TUBGCP4: variants seen among roughly 807,000 people sequenced by gnomAD.
TUBGCP4 encodes the protein tubulin gamma complex component 4, also known as gamma-tubulin complex component 4.
A neutral mutation model predicts 91.6 loss-of-function variants in TUBGCP4; 54 were observed. That is an observed-to-expected ratio of 0.59 (90% CI 0.47 to 0.74). The LOEUF (loss-of-function observed/expected upper bound fraction) is 0.74. Ranked by LOEUF, TUBGCP4 falls within the 30% of genes least tolerant of loss-of-function variation. The pLI, the probability that TUBGCP4 is intolerant of heterozygous loss-of-function variation, is 0.00. For synonymous variants in TUBGCP4, 297 were observed against 302.8 expected (o/e 0.98, Z 0.20); for missense variants, 593 against 800.9 (o/e 0.74, Z 3.13).
chr15:43,378,682 A>T (rs1306889676), intron 5 of TUBGCP4, among the ~76,000 whole-genome samples: 12 of 152,262 alleles, frequency 7.9e-5, no homozygotes, highest in Non-Finnish European at 8.8e-5. Context: ...CAGCAAAGCC[A>T]GTGGTGGGTG....
chr15:43,381,117 C>G (rs1012813881), intron 6 of TUBGCP4, among the ~76,000 whole-genome samples: 3 of 152,146 alleles, frequency 2.0e-5, no homozygotes, highest in East Asian at 1.9e-4. Context: ...ACTCACAACT[C>G]TTAATCTCCA....
At chr15:43,392,559 C>T (rs1595491876) in intron 9 of TUBGCP4, among the ~76,000 whole-genome samples, 2 of 152,012 alleles carry the variant, frequency 1.3e-5, no homozygotes, top group Admixed American at 6.6e-5. Flanking sequence ...AGTGCAGTGG[C>T]GTGATCTCGG....
At chr15:43,398,304 C>A in intron 13 of TUBGCP4, 125 bp downstream of exon 13, 1 of 1,105,420 alleles carries the variant, frequency 9.0e-7, no homozygotes. Flanking sequence ...CCCAGCTAGT[C>A]CAGAGCCTGA....
chr15:43,397,276 C>T lies in TUBGCP4; in HGVS notation c.1234C>T (p.Pro412Ser). The change falls in exon 12 of 18, where the codon CCT becomes TCT. Residue 412 changes from proline to serine, a missense_variant. Physicochemically the swap from Pro to Ser is moderately conservative, Grantham distance 74 (BLOSUM62 -1). Transcript: ENST00000564079. ...KVLLDDDNLL[P>S]LLHLTIEYHG... ...ATTGCTAGATGATGACAACCTTCTCCCTCTGTTGCACTTGACAATCGAGTA... is the reference window on the plus strand; with the variant it reads ...ATTGCTAGATGATGACAACCTTCTCTCTCTGTTGCACTTGACAATCGAGTA... 6.2e-7 allele frequency: 1 copy of T among 1,614,160 alleles called. No homozygotes were observed. Among genetic ancestry groups the T allele is most frequent in the Non-Finnish European group, 8.5e-7 (1 of 1,180,024 alleles).
intron 1 of TUBGCP4, 49 bp downstream of exon 1, chr15:43,371,481 C>T: frequency 1.3e-6 from 2 of 1,587,448 alleles, no homozygotes; most frequent in East Asian, 2.2e-5. Context: ...GGAGGGGGGA[C>T]CTGAGCCAGC....
At chr15:43,373,948 G>A (rs186998258) in intron 1 of TUBGCP4, among the ~76,000 whole-genome samples, 51 of 152,170 alleles carry the variant, frequency 3.4e-4, no homozygotes, top group African/African-American at 9.2e-4. Context: ...CACTGCGCCC[G>A]GCAAGAGACC....
chr15:43,398,269 A>G, intron 13 of TUBGCP4, 90 bp downstream of exon 13: 2 of 1,465,398 alleles, frequency 1.4e-6, no homozygotes, highest in Admixed American at 1.9e-5. Context: ...TGGGAAAGCA[A>G]GGTGTGGTGG....
intron 9 of TUBGCP4, among the ~76,000 whole-genome samples, chr15:43,393,782 T>A (rs976406896): frequency 1.3e-5 from 2 of 152,164 alleles, no homozygotes; most frequent in African/African-American, 4.8e-5. Flanking sequence ...GAACTCACCA[T>A]TTTTTATGGC....
At chr15:43,378,287 G>C (rs1262324459) in intron 5 of TUBGCP4, among the ~76,000 whole-genome samples, 4 of 152,208 alleles carry the variant, frequency 2.6e-5, no homozygotes, top group Admixed American at 2.6e-4. Flanking sequence ...GCAGTTTTCT[G>C]AGAATTTTGA....
At chr15:43,378,851 C>T (rs1307216797) in intron 5 of TUBGCP4, among the ~76,000 whole-genome samples, 1 of 152,202 alleles carries the variant, frequency 6.6e-6, no homozygotes, top group Non-Finnish European at 1.5e-5. Context: ...CCCAGTGTCA[C>T]ACAGATAGTA....
intron 16 of TUBGCP4, 81 bp downstream of exon 16, chr15:43,403,880 G>C: frequency 1.0e-6 from 1 of 975,224 alleles, no homozygotes; most frequent in South Asian, 1.3e-5. Context: ...TCTTTCCTCT[G>C]AGTCAGTAAA....
At chr15:43,382,885 G>T (rs919109764) in intron 6 of TUBGCP4, among the ~76,000 whole-genome samples, 10 of 152,220 alleles carry the variant, frequency 6.6e-5, no homozygotes, top group Admixed American at 6.5e-4. Context: ...CTCACGTATT[G>T]AATATTCTCT....
Position 43,408,840 on chromosome 15 carries a change from C to G in TUBGCP4, c.*3626C>G. ...TACTCTCTCACCTAGATTCTCTTCC[C>G]TCCAAAGCTTGCTGTCCTCCTGCCT... On this transcript the variant is annotated 3_prime_UTR_variant, in exon 18 of 18. Coordinates refer to ENST00000564079, the MANE Select transcript of TUBGCP4 (RefSeq NM_014444.5). 6.4e-7 allele frequency: 1 copy of G among 1,555,420 alleles called. No individual in the cohort carries two copies. The highest frequency in any genetic ancestry group is 8.9e-7 in the Non-Finnish European group (1 of 1,128,234).
chr15:43,386,071 G>A, intron 8 of TUBGCP4, 115 bp downstream of exon 8: 1 of 1,521,350 alleles, frequency 6.6e-7, no homozygotes, highest in South Asian at 1.3e-5. Flanking sequence ...CCTATCCTGA[G>A]ATTGTAGCAG....
chr15:43,398,114 C>A lies in TUBGCP4; in HGVS notation c.1353C>A (p.Ala451=). ...AAGCCCCTGCATCTGGCTGGGCAGC[C>A]CTAGGTCTTTCCTACAAAGTACAGT... ...PREAPASGWA[A]LGLSYKVQWP... The change falls in exon 13 of 18, where the codon GCC becomes GCA. Residue 451 remains alanine (A), a synonymous_variant. Transcript: ENST00000564079. 6.2e-7 allele frequency: 1 copy of A among 1,614,092 alleles called. No homozygotes were observed.
In TUBGCP4 at chr15:43,376,555, G is replaced by A. The variant is rs769303341; in HGVS notation, c.260G>A (p.Arg87Gln). 2.4e-5 allele frequency: 39 copies of A among 1,614,164 alleles called. No individual in the cohort carries two copies. In the Middle Eastern group the frequency reaches 8.2e-4, roughly 34 times the overall value. Residue 87 changes from arginine (R) to glutamine (Q), a missense_variant, in exon 3 of 18, where the codon CGG becomes CAG. Transcript: ENST00000564079. ...GQGGLHGIYL[R>Q]AFCTGLDSVL... The stretch of plus-strand genomic sequence containing the variant: ...GGTGGGTTACATGGAATCTACCTGC[G>A]GGCCTTCTGCACAGGGCTGGATTCT...
chr15:43,404,076 C>A, intron 16 of TUBGCP4: 1 of 524,818 alleles, frequency 1.9e-6, no homozygotes, highest in Admixed American at 3.3e-5. Flanking sequence ...CCTCCCCCCT[C>A]CTTACTTCCT....
intron 7 of TUBGCP4, 135 bp from the exon 8 acceptor site, chr15:43,385,656 A>G: frequency 4.7e-6 from 4 of 855,664 alleles, no homozygotes; most frequent in Non-Finnish European, 7.2e-6. Context: ...GGGTGGTTTG[A>G]GAACTGTGCA....
intron 3 of TUBGCP4, 76 bp from the exon 4 acceptor site, chr15:43,376,938 C>A: frequency 3.2e-6 from 4 of 1,242,758 alleles, no homozygotes; most frequent in Non-Finnish European, 4.7e-6. Flanking sequence ...TCATGAGATT[C>A]TCTTCTCATT....
Sources: allele counts gnomAD v4.1 joint callset (sites outside exome capture counted in the v4.1 genomes callset), GRCh38; gene constraint gnomAD v4.1.1; transcripts MANE v1.5; gene names NCBI Gene and HGNC (gene_info 2026-07-23, HGNC 2026-07-21).